The following CROCC2 variants were observed in gnomAD, a reference collection of about 807,000 sequenced individuals.
CROCC2 encodes the protein ciliary rootlet coiled-coil protein 2.
A neutral mutation model predicts 177.6 loss-of-function variants in CROCC2; 163 were observed. That is an observed-to-expected ratio of 0.92 (90% CI 0.81 to 1.05). The LOEUF is 1.05. CROCC2 is among the 50% of genes least tolerant of loss of function. The pLI is 0.00. For missense variants in CROCC2, 1,929 were observed against 1,797.8 expected (o/e 1.07, Z -1.32); for synonymous variants, 904 against 787.3 (o/e 1.15, Z -2.48).
chr2:240,925,013 C>T (rs1268371730), intron 4 of CROCC2, among the ~76,000 whole-genome samples: 1 of 133,546 alleles, frequency 7.5e-6, no homozygotes, highest in Non-Finnish European at 1.6e-5. Flanking sequence ...CCCACACTGA[C>T]CCAGCCCCCA....
intron 18 of CROCC2, among the ~76,000 whole-genome samples, chr2:240,952,800 C>T (rs752343126): frequency 1.3e-5 from 2 of 152,040 alleles, no homozygotes; most frequent in Non-Finnish European, 2.9e-5. Context: ...AGGAGTTGGG[C>T]GGAAACGAGT....
At position 240,946,079 on chromosome 2, in the gene CROCC2, C is replaced by A; in HGVS notation, c.2189C>A (p.Ala730Asp). 1.3e-6 allele frequency: 2 copies of A among 1,524,380 alleles called. No individual in the cohort carries two copies. Among genetic ancestry groups the A allele is most frequent in the Non-Finnish European group, 1.8e-6 (2 of 1,126,960 alleles). The allele number at this position is 1,524,380 out of a possible 1,614,324, so 94.4% of individuals were successfully genotyped here. Residue 730 changes from alanine to aspartate, a missense_variant, in exon 15 of 32, where the codon GCC (alanine) becomes GAC (aspartate). Around this residue, in one of 3 missense-constraint regions of CROCC2, gnomAD observed 1,397 missense variants for 1,239.9 expected, o/e 1.13. Coordinates refer to ENST00000690015, the MANE Select transcript of CROCC2 (RefSeq NM_001351305.2). ...QVGQVTCQKQ[A>D]LEEQLAQSLQ... ...CCCTAGGTCACATGCCAGAAACAGG[C>A]CCTGGAGGAGCAGCTGGCTCAGAGC... is the stretch of plus-strand genomic sequence containing the variant.
At chr2:240,948,176 G>T (rs2059534365) in intron 15 of CROCC2, among the ~76,000 whole-genome samples, 1 of 152,160 alleles carries the variant, frequency 6.6e-6, no homozygotes, top group Non-Finnish European at 1.5e-5. Flanking sequence ...CGGGAGGAGG[G>T]ACCGGAGAGG....
intron 19 of CROCC2, among the ~76,000 whole-genome samples, chr2:240,956,615 C>A (rs2059591969): frequency 6.6e-6 from 1 of 152,214 alleles, no homozygotes; most frequent in South Asian, 2.1e-4. Context: ...GGGTCCTCCC[C>A]TGGAGCCCAA....
chr2:240,918,646 C>T lies in CROCC2; in HGVS notation c.79-80C>T, dbSNP rs928512781. 3 of 506,700 alleles carry T rather than the reference C, an allele frequency of 5.9e-6. No homozygotes were observed. Among genetic ancestry groups the T allele is most frequent in the African/African-American group, 2.0e-5 (1 of 49,278 alleles). 31.4% of individuals were successfully genotyped at this position (506,700 alleles called of 1,614,324 possible). ...GCCTTGGGGTGGCCCTGTGGCGGCT[C>T]CCATTCAGTGGGATCGTAGAGGGTG... On this transcript the variant is annotated intron_variant, in intron 1 of 31. Coordinates refer to ENST00000690015, the MANE Select transcript of CROCC2 (RefSeq NM_001351305.2). This position sits in a 1 kb window ranked among gnomAD's most constrained non-coding sequence, Gnocchi z 6.3.
chr2:240,934,212 T>C, intron 11 of CROCC2, 119 bp from the exon 12 acceptor site: 3 of 1,098,860 alleles, frequency 2.7e-6, no homozygotes, highest in Admixed American at 5.6e-5. Flanking sequence ...AGGGACTCCA[T>C]GCTCCTCCTG....
In CROCC2 at chr2:240,930,794, G is replaced by A. The variant is rs1277821217; in HGVS notation, c.750-137G>A. On this transcript the variant is annotated intron_variant, in intron 6 of 31. Coordinates refer to ENST00000690015, the MANE Select transcript of CROCC2 (RefSeq NM_001351305.2). ...CCTTCCTGGTGTTTGGTGACACATG[G>A]GAACAATCAATGCCATGCAGTGGGG... 4.9e-5 allele frequency: 29 copies of A among 592,212 alleles called. No homozygotes were observed. The East Asian group carries it at 7.4e-4, about 15-fold the overall frequency. 36.7% of individuals were successfully genotyped at this position (592,212 alleles called of 1,614,324 possible).
intron 18 of CROCC2, 125 bp downstream of exon 18, chr2:240,950,635 C>A: frequency 1.1e-6 from 1 of 903,814 alleles, no homozygotes; most frequent in Non-Finnish European, 1.6e-6. Flanking sequence ...ACCCATCCAT[C>A]CATCCATCCA....
At position 240,925,901 on chromosome 2, in the gene CROCC2, C is replaced by T. The variant is rs1044679129; in HGVS notation, c.645+21C>T. ...GACAGGTGCTCCCCCAACCCTTGCT[C>T]ACCTCATGGCGGCCGCCTGTCTGGG... On this transcript the variant is annotated intron_variant, in intron 5 of 31. Transcript: ENST00000690015. 2.5e-5 allele frequency: 17 copies of T among 692,002 alleles called. No homozygotes were observed. In the African/African-American group the frequency reaches 2.7e-4, roughly 11 times the overall value. The allele number at this position is 692,002 out of a possible 1,614,324, so 42.9% of individuals were successfully genotyped here. A position where few individuals can be genotyped will look rare whatever the true frequency, so the allele number is the denominator to read the frequency against.
rs541283745 is a variant in CROCC2 at position 240,975,917 on chromosome 2, AC to A, written c.4402-6962del. 7.2e-3 allele frequency among the ~76,000 whole-genome samples: 1,100 copies of A among 151,916 alleles called. 14 individuals carry two copies. The highest frequency in any genetic ancestry group is 0.026 in the African/African-American group (1,060 of 41,432). ...GCTAATTTTTTGTATTTTTAGTAGG[AC>A]TGGGGCTTCATTGTGTTGTCCAGGC... On this transcript the variant is annotated intron_variant, in intron 27 of 31. Transcript: ENST00000690015.
rs115248070 is a variant in CROCC2 at position 240,938,625 on chromosome 2, G to A, written c.2169+3037G>A. Reference sequence around the variant, plus strand: ...CTGCAAAATAGCCTACTAGGAGTTTGATTAAAATTGTTTAGAATTTATAGA... The same window carrying A: ...CTGCAAAATAGCCTACTAGGAGTTTAATTAAAATTGTTTAGAATTTATAGA... On this transcript the variant is annotated intron_variant, in intron 14 of 31. Coordinates refer to ENST00000690015, the MANE Select transcript of CROCC2 (RefSeq NM_001351305.2). Among the ~76,000 whole-genome samples the A allele has an allele frequency of 9.6e-3, 1,460 of 152,282 alleles. 24 individuals carry two copies. The highest frequency in any genetic ancestry group is 0.033 in the African/African-American group (1,360 of 41,578).
chr2:240,933,440 G>A, intron 10 of CROCC2, 98 bp downstream of exon 10: 4 of 1,298,738 alleles, frequency 3.1e-6, no homozygotes, highest in East Asian at 2.5e-5. Flanking sequence ...AGCTGGAGGG[G>A]TTGCCAGCCG....
chr2:240,941,913 G>A (rs968993209), intron 14 of CROCC2, among the ~76,000 whole-genome samples: 3 of 152,162 alleles, frequency 2.0e-5, no homozygotes, highest in Admixed American at 6.5e-5. Context: ...TATGAAAGGG[G>A]CTTGCAGCAT....
intron 19 of CROCC2, 106 bp downstream of exon 19, chr2:240,956,078 C>A: frequency 2.5e-6 from 2 of 802,620 alleles, no homozygotes; most frequent in South Asian, 3.1e-5. Flanking sequence ...TCTCCATCCC[C>A]TCCCTTCCTG....
At chr2:240,961,335 TCACACACTCA>T (rs1381486597) in intron 20 of CROCC2, among the ~76,000 whole-genome samples, 1 of 151,872 alleles carries the variant, frequency 6.6e-6, no homozygotes, top group African/African-American at 2.4e-5. Flanking sequence ...CACACAAGCC[TCACACACTCA>T]CACACACTCA....
At chr2:240,935,185 G>T in intron 13 of CROCC2, 123 bp downstream of exon 13, 1 of 1,252,156 alleles carries the variant, frequency 8.0e-7, no homozygotes, top group Non-Finnish European at 1.0e-6. Context: ...TTGAGGTTTT[G>T]GGGACAAGGG....
At position 240,982,179 on chromosome 2, in the gene CROCC2, G is replaced by T. The variant is rs1361717249; in HGVS notation, c.4402-701G>T. Reference sequence around the variant, plus strand: ...AGGCCCAGAGCAAGGCAGTGGCATGGCCGATGATAGTCAAGTGAAATGCAC... The same window carrying T: ...AGGCCCAGAGCAAGGCAGTGGCATGTCCGATGATAGTCAAGTGAAATGCAC... On this transcript the variant is annotated intron_variant, in intron 27 of 31. Transcript: ENST00000690015. The surrounding 1 kb of genome is among the most constrained non-coding windows in gnomAD (Gnocchi z 4.7). 1 of 152,248 alleles carries T rather than the reference G, an allele frequency of 6.6e-6. No individual in the cohort carries two copies. The highest frequency in any genetic ancestry group is 1.5e-5 in the Non-Finnish European group (1 of 68,136). 9.4% of individuals were successfully genotyped at this position (152,248 alleles called of 1,614,324 possible). A position where few individuals can be genotyped will look rare whatever the true frequency, so the allele number is the denominator to read the frequency against.
At chr2:240,955,739 G>T (rs928570556) in intron 18 of CROCC2, 120 bp from the exon 19 acceptor site, 2 of 646,058 alleles carry the variant, frequency 3.1e-6, no homozygotes, top group East Asian at 5.5e-5. Context: ...GAACATGAAC[G>T]TGCTGTGTCC....
intron 2 of CROCC2, among the ~76,000 whole-genome samples, chr2:240,919,534 T>G (rs771886447): frequency 6.6e-6 from 1 of 152,000 alleles, no homozygotes; most frequent in African/African-American, 2.4e-5. Context: ...CAGGGATCCC[T>G]CTCTCCCAGG....
Sources: allele counts gnomAD v4.1 joint callset (sites outside exome capture counted in the v4.1 genomes callset), GRCh38; gene constraint gnomAD v4.1.1; regional missense constraint gnomAD v4.1.1; non-coding constraint Gnocchi (gnomAD v3.1); transcripts MANE v1.5; gene names NCBI Gene and HGNC (gene_info 2026-07-23, HGNC 2026-07-21).